The following TMEM52B variants were observed in gnomAD, a reference collection of about 807,000 sequenced individuals.
The protein encoded by TMEM52B is transmembrane protein 52B.
Under a neutral mutation model 16.1 loss-of-function variants are expected in TMEM52B, and 11 were observed. The observed-to-expected ratio is 0.68, with a 90% CI of 0.43 to 1.13. The LOEUF is 1.13. Ranked by LOEUF, TMEM52B falls within the 50% of genes most tolerant of loss-of-function variation. TMEM52B has a pLI of 0.00. For synonymous variants in TMEM52B, 101 were observed against 93.8 expected, an observed-to-expected ratio of 1.08 and a Z score of -0.45; for missense variants, 243 against 230.4, an observed-to-expected ratio of 1.05 and a Z score of -0.35.
chr12:10,174,541 C>T (rs963307510), upstream of TMEM52B, among the ~76,000 whole-genome samples: 6 of 152,202 alleles, frequency 3.9e-5, no homozygotes, highest in African/African-American at 1.4e-4. Context: ...AAAGAATCCC[C>T]CAGCTGTCTA....
chr12:10,177,884 CTTTT>C (rs1221497006), upstream of TMEM52B, among the ~76,000 whole-genome samples: 7 of 150,934 alleles, frequency 4.6e-5, no homozygotes, highest in Admixed American at 2.0e-4. Flanking sequence ...ATACAGCATT[CTTTT>C]GTTTCTTTTA....
upstream of TMEM52B, among the ~76,000 whole-genome samples, chr12:10,174,264 T>C (rs983396924): frequency 3.9e-5 from 6 of 152,212 alleles, no homozygotes; most frequent in Admixed American, 3.9e-4. Flanking sequence ...GGTTTCACCA[T>C]GTTGGCCAGG....
upstream of TMEM52B, among the ~76,000 whole-genome samples, chr12:10,176,489 G>T (rs536694322): frequency 3.5e-4 from 54 of 152,326 alleles, no homozygotes; most frequent in African/African-American, 1.3e-3. Context: ...GTTTAGGCAG[G>T]TGAAGGCTGG....
intron 4 of TMEM52B, 99 bp from the exon 5 acceptor site, chr12:10,189,797 T>A (rs1168596721): frequency 4.7e-6 from 7 of 1,505,340 alleles, no homozygotes; most frequent in African/African-American, 1.4e-5. Context: ...TGGATACTTG[T>A]AAAAAATGAA....
chr12:10,179,827 T>C (rs1948802121), intron 1 of TMEM52B, among the ~76,000 whole-genome samples, 199 bp downstream of exon 1: 1 of 152,014 alleles, frequency 6.6e-6, no homozygotes, highest in East Asian at 1.9e-4. Flanking sequence ...GCAATGACAA[T>C]GAAAAGGGGG....
At chr12:10,177,166 C>G (rs1394200156), upstream of TMEM52B, among the ~76,000 whole-genome samples, 1 of 152,164 alleles carries the variant, frequency 6.6e-6, no homozygotes, top group Non-Finnish European at 1.5e-5. Flanking sequence ...TCTCCTTGTC[C>G]TATAAAATAC....
Position 10,191,633 on chromosome 12 carries a change from T to C in TMEM52B, c.*1493T>C, listed in dbSNP as rs1250215104. On this transcript the variant is annotated 3_prime_UTR_variant, in exon 5 of 5. Transcript: ENST00000543484. ...ATGTGGCATGATTTGTAAAGTGTTA[T>C]GCATATGTATGTTATTCTTCCTACT... 1.3e-5 allele frequency: 2 copies of C among 152,244 alleles called. No homozygotes were observed. The highest frequency in any genetic ancestry group is 4.8e-5 in the African/African-American group (2 of 41,464). 9.4% of individuals were successfully genotyped at this position (152,244 alleles called of 1,614,324 possible). A position where few individuals can be genotyped will look rare whatever the true frequency, so the allele number is the denominator to read the frequency against.
At chr12:10,186,663 G>A in intron 4 of TMEM52B, 74 bp downstream of exon 4, 1 of 1,378,592 alleles carries the variant, frequency 7.3e-7, no homozygotes, top group Non-Finnish European at 9.7e-7. Context: ...CAAAGGTGTA[G>A]AACCACTGAT....
chr12:10,173,752 G>A (rs553409780), intron 1 of TMEM52B, among the ~76,000 whole-genome samples: 6 of 142,856 alleles, frequency 4.2e-5, no homozygotes, highest in Non-Finnish European at 6.0e-5. Context: ...GCAACAGAGC[G>A]AGACTCCCTT....
rs768273361 is a variant in TMEM52B at position 10,190,110 on chromosome 12, G to T, written c.522G>T (p.Glu174Asp). 2.5e-6 allele frequency: 4 copies of T among 1,614,210 alleles called. No homozygotes were observed. The highest frequency in any genetic ancestry group is 2.5e-6 in the Non-Finnish European group (3 of 1,180,032). Residue 174 changes from glutamate (E) to aspartate (D), a missense_variant, in exon 5 of 5, where the codon GAG becomes GAT. Physicochemically the swap from Glu to Asp is conservative, Grantham distance 45 (BLOSUM62 2). Transcript: ENST00000543484. ...AGCAGCTGCCTCCAACAGAGAAGGA[G>T]TCGACTCGAATAGTTGACTCTTGGA... ...EEKQLPPTEK[E>D]STRIVDSWN
intron 1 of TMEM52B, chr12:10,182,238 G>C (rs1167568599): frequency 1.5e-5 from 15 of 985,070 alleles, no homozygotes; most frequent in Non-Finnish European, 1.8e-5. Context: ...TATCCCAAGG[G>C]ACAGAGAGAT....
chr12:10,176,263 A>G (rs1262516896), upstream of TMEM52B, among the ~76,000 whole-genome samples: 1 of 152,192 alleles, frequency 6.6e-6, no homozygotes, highest in Non-Finnish European at 1.5e-5. Context: ...AATCTCATTC[A>G]TTAGGATAAA....
At chr12:10,186,319 T>C (rs1948878516) in intron 3 of TMEM52B, 101 bp from the exon 4 acceptor site, 3 of 832,736 alleles carry the variant, frequency 3.6e-6, no homozygotes, top group Admixed American at 3.9e-5. Context: ...CTATAAAATG[T>C]TTAGACAAGA....
At chr12:10,172,126 A>G (rs922622953) in intron 1 of TMEM52B, 10 of 1,328,300 alleles carry the variant, frequency 7.5e-6, no homozygotes, top group Admixed American at 1.7e-5. Context: ...ACGAACTTCA[A>G]CAAACTAAAA....
chr12:10,173,941 A>G (rs537493621), intron 1 of TMEM52B, among the ~76,000 whole-genome samples: 3 of 152,252 alleles, frequency 2.0e-5, no homozygotes, highest in African/African-American at 7.2e-5. Context: ...GTACATTTAC[A>G]TTGTTGTGCA....
chr12:10,178,682 C>A (rs951141487), upstream of TMEM52B, among the ~76,000 whole-genome samples: 3 of 151,672 alleles, frequency 2.0e-5, no homozygotes, highest in Non-Finnish European at 4.4e-5. Flanking sequence ...AAAGAAGGAA[C>A]AAAGAAAAGG....
At chr12:10,182,182 A>C in intron 1 of TMEM52B, 3 of 985,294 alleles carry the variant, frequency 3.0e-6, no homozygotes, top group Non-Finnish European at 3.6e-6. Flanking sequence ...AAAAAAGAGC[A>C]GTGGTGTAGA....
At chr12:10,185,181 C>G (rs993325150) in intron 2 of TMEM52B, 149 bp from the exon 3 acceptor site, 2 of 637,932 alleles carry the variant, frequency 3.1e-6, no homozygotes, top group African/African-American at 3.7e-5. Context: ...AAAGATTCAA[C>G]TAGCTACAGT....
At chr12:10,180,490 C>G (rs541857245) in intron 1 of TMEM52B, among the ~76,000 whole-genome samples, 1 of 152,216 alleles carries the variant, frequency 6.6e-6, no homozygotes, top group South Asian at 2.1e-4. Flanking sequence ...AAAGAAAGTA[C>G]CATGGTTGCG....
Sources: gnomAD v4.1 joint callset for allele counts (sites outside exome capture counted in the v4.1 genomes callset) on GRCh38, gnomAD v4.1.1 for gene constraint, MANE v1.5 for transcripts, NCBI Gene and HGNC (gene_info 2026-07-23, HGNC 2026-07-21) for gene names.